NSUN7: variants seen among roughly 807,000 people sequenced by gnomAD.
The protein encoded by NSUN7 is protein NSUN7.
A neutral mutation model predicts 58.5 loss-of-function variants in NSUN7; 39 were observed. That is an observed-to-expected ratio of 0.67 (90% CI 0.52 to 0.87). NSUN7 has a LOEUF of 0.87. Among genes scored for constraint, NSUN7 ranks in the 40% least tolerant of loss-of-function variants. The pLI, the probability that NSUN7 is intolerant of heterozygous loss-of-function variation, is 0.00. For missense variants in NSUN7, 765 were observed against 844.1 expected (o/e 0.91, Z 1.16); for synonymous variants, 278 against 303.7 (o/e 0.92, Z 0.88).
chr4:40,752,608 G>A (rs137996800), intron 2 of NSUN7, among the ~76,000 whole-genome samples: 39,996 of 151,858 alleles, frequency 0.26, 5,516 homozygotes, highest in Middle Eastern at 0.35. Context: ...TTTTAGTAGA[G>A]ACGGGGTTTC....
chr4:40,783,404 T>C lies in NSUN7; in HGVS notation c.1036+7145T>C, dbSNP rs117339377. ...AATATAAGTGTTAGAGCTAAAACTCTTATAAGAAAACACAGGTAAGTTTTC... is the reference window on the plus strand; with the variant it reads ...AATATAAGTGTTAGAGCTAAAACTCCTATAAGAAAACACAGGTAAGTTTTC... On this transcript the variant is annotated intron_variant, in intron 7 of 11. Coordinates refer to ENST00000381782, the MANE Select transcript of NSUN7 (RefSeq NM_024677.6). Among the ~76,000 whole-genome samples, 649 of 152,306 alleles carry C rather than the reference T, an allele frequency of 4.3e-3. 4 individuals carry two copies. The highest frequency in any genetic ancestry group is 0.017 in the East Asian group (88 of 5,190).
At position 40,799,073 on chromosome 4, in the gene NSUN7, C is replaced by CT. The variant is rs761448412; in HGVS notation, c.1400+198dup. Reference sequence around the variant, plus strand: ...AACCAAGATTCCATAGGGCCTTTTTCTTTTTTTTTTTTTTTTTTTTTTTTT... The same window carrying CT: ...AACCAAGATTCCATAGGGCCTTTTTCTTTTTTTTTTTTTTTTTTTTTTTTTT... On this transcript the variant is annotated intron_variant, in intron 10 of 11. Transcript: ENST00000381782. Among the ~76,000 whole-genome samples the CT allele has an allele frequency of 2.6e-3, 197 of 76,230 alleles. 21 individuals are homozygous for CT. The East Asian group carries it at 0.028, about 11-fold the overall frequency. The allele number at this position is 76,230 out of a possible 152,430, so 50.0% of individuals were successfully genotyped here. A position where few individuals can be genotyped will look rare whatever the true frequency, so the allele number is the denominator to read the frequency against.
chr4:40,761,121 G>A lies in NSUN7; in HGVS notation c.358-50G>A, dbSNP rs149326936. 1.2e-3 allele frequency: 1,663 copies of A among 1,396,170 alleles called. 16 individuals carry two copies. The East Asian group carries it at 0.016, about 13-fold the overall frequency. The allele number at this position is 1,396,170 out of a possible 1,614,324, so 86.5% of individuals were successfully genotyped here. A position where few individuals can be genotyped will look rare whatever the true frequency, so the allele number is the denominator to read the frequency against. The stretch of plus-strand genomic sequence containing the variant: ...ATGGAATGGAATGGAAAATATTGCT[G>A]GTTAGATATTGTTTGTATACTTTTC... On this transcript the variant is annotated intron_variant, in intron 3 of 11. Transcript: ENST00000381782.
chr4:40,794,061 A>T (rs1344565284), intron 8 of NSUN7, among the ~76,000 whole-genome samples: 1 of 152,144 alleles, frequency 6.6e-6, no homozygotes, highest in African/African-American at 2.4e-5. Flanking sequence ...TAGTCTCGAG[A>T]CTGACGGCAT....
Position 40,782,811 on chromosome 4 carries a change from G to A in NSUN7, c.1036+6552G>A, listed in dbSNP as rs2437313. ...TTTAGCCCAGGAGTTCAAGGCTGCA[G>A]TGAGCTGGTTCATGCCACTGCACTC... On this transcript the variant is annotated intron_variant, in intron 7 of 11. Transcript: ENST00000381782. 5.1e-3 allele frequency among the ~76,000 whole-genome samples: 773 copies of A among 152,232 alleles called. 5 individuals carry two copies. The highest frequency in any genetic ancestry group is 0.018 in the African/African-American group (741 of 41,544).
intron 7 of NSUN7, among the ~76,000 whole-genome samples, chr4:40,777,929 T>C (rs997028276): frequency 8.5e-5 from 13 of 152,292 alleles, no homozygotes; most frequent in African/African-American, 2.6e-4. Flanking sequence ...TAACTATGAT[T>C]AATAAGCTGG....
At chr4:40,789,193 A>G (rs138423799) in intron 7 of NSUN7, among the ~76,000 whole-genome samples, 33 of 152,348 alleles carry the variant, frequency 2.2e-4, no homozygotes, top group African/African-American at 7.7e-4. Context: ...ACTAATTTAC[A>G]GGAAGTACAG....
At chr4:40,795,659 G>T (rs1432570188) in intron 9 of NSUN7, among the ~76,000 whole-genome samples, 3 of 152,168 alleles carry the variant, frequency 2.0e-5, no homozygotes, top group African/African-American at 7.2e-5. Flanking sequence ...GTTGTATTTA[G>T]TTTCCCATAA....
At chr4:40,763,128 C>T (rs780569030) in intron 4 of NSUN7, among the ~76,000 whole-genome samples, 1 of 152,176 alleles carries the variant, frequency 6.6e-6, no homozygotes. Flanking sequence ...AGAGTCCAAA[C>T]TTCAACCATT....
intron 7 of NSUN7, among the ~76,000 whole-genome samples, chr4:40,782,335 G>C (rs2154288139): frequency 6.6e-6 from 1 of 151,996 alleles, no homozygotes; most frequent in Admixed American, 6.6e-5. Flanking sequence ...GGCTGAGGTG[G>C]GTAGATCACT....
chr4:40,779,804 A>G (rs1042238165), intron 7 of NSUN7, among the ~76,000 whole-genome samples: 2 of 152,250 alleles, frequency 1.3e-5, no homozygotes, highest in African/African-American at 2.4e-5. Context: ...TAGAGGAAAG[A>G]AAAATAGAAT....
intron 10 of NSUN7, among the ~76,000 whole-genome samples, chr4:40,800,343 CTTT>C (rs752170347): frequency 6.9e-6 from 1 of 145,492 alleles, no homozygotes. Flanking sequence ...AATCCTTAAA[CTTT>C]TTTTTTTTTT....
In NSUN7 at chr4:40,786,239, A is replaced by G. The variant is rs541584670; in HGVS notation, c.1037-4363A>G. 2.0e-4 allele frequency: 327 copies of G among 1,614,006 alleles called. 3 individuals carry two copies. In the South Asian group the frequency reaches 3.4e-3, roughly 17 times the overall value. On this transcript the variant is annotated intron_variant, in intron 7 of 11. Transcript: ENST00000381782. Reference sequence around the variant, plus strand: ...ACTGTCTTATACAGGCTGCAGTTCAATGAATTTGTAAATACCGTACCTACC... The same window carrying G: ...ACTGTCTTATACAGGCTGCAGTTCAGTGAATTTGTAAATACCGTACCTACC...
At chr4:40,806,184 G>T (rs564762220) in intron 10 of NSUN7, among the ~76,000 whole-genome samples, 4 of 152,000 alleles carry the variant, frequency 2.6e-5, no homozygotes, top group Admixed American at 1.3e-4. Flanking sequence ...TAGCAGAGAC[G>T]GGGTTTCACC....
chr4:40,778,055 A>G (rs1481979607), intron 7 of NSUN7, among the ~76,000 whole-genome samples: 1 of 152,242 alleles, frequency 6.6e-6, no homozygotes, highest in South Asian at 2.1e-4. Flanking sequence ...GAAATAAATG[A>G]GATATGGATT....
chr4:40,797,928 A>G (rs770415480), intron 9 of NSUN7, among the ~76,000 whole-genome samples: 4 of 152,170 alleles, frequency 2.6e-5, no homozygotes, highest in Non-Finnish European at 5.9e-5. Context: ...GGAACATACC[A>G]GCACCATGTT....
At chr4:40,805,436 T>C (rs558135263) in intron 10 of NSUN7, among the ~76,000 whole-genome samples, 8 of 152,190 alleles carry the variant, frequency 5.3e-5, no homozygotes, top group Non-Finnish European at 1.2e-4. Context: ...GTAGCTGTCA[T>C]AGCATCTTGT....
intron 2 of NSUN7, among the ~76,000 whole-genome samples, chr4:40,753,158 T>C (rs1457657824): frequency 1.3e-5 from 2 of 152,240 alleles, no homozygotes; most frequent in Non-Finnish European, 2.9e-5. Flanking sequence ...ATTATAATTC[T>C]ATATAAAATT....
At chr4:40,765,138 G>C (rs1464099336) in intron 4 of NSUN7, among the ~76,000 whole-genome samples, 18 of 132,348 alleles carry the variant, frequency 1.4e-4, no homozygotes, top group South Asian at 1.1e-3. Context: ...TGGTGTTTTA[G>C]ACATGAAGTC....
Sources: gnomAD v4.1 joint callset for allele counts (sites outside exome capture counted in the v4.1 genomes callset) on GRCh38, gnomAD v4.1.1 for gene constraint, MANE v1.5 for transcripts, NCBI Gene and HGNC (gene_info 2026-07-23, HGNC 2026-07-21) for gene names.